SPINK13: variants seen among roughly 807,000 people sequenced by gnomAD.
SPINK13 encodes the protein serine peptidase inhibitor Kazal type 13, also known as serine protease inhibitor Kazal-type 13.
Under a neutral mutation model 11.0 loss-of-function variants are expected in SPINK13, and 11 were observed. The observed-to-expected ratio is 1.00, with a 90% CI of 0.63 to 1.65. The LOEUF is 1.65. Among genes scored for constraint, SPINK13 ranks in the 40% most tolerant of loss-of-function variants. The pLI is 0.00. For synonymous variants in SPINK13, 31 were observed against 35.6 expected (o/e 0.87, Z 0.46); for missense variants, 113 against 117.7 (o/e 0.96, Z 0.19).
intron 1 of SPINK13, chr5:148,269,109 G>C (rs748104865): frequency 2.0e-5 from 3 of 152,194 alleles, no homozygotes; most frequent in Non-Finnish European, 4.4e-5. Flanking sequence ...GATAGAGTAG[G>C]GCGTGAGCAA....
chr5:148,286,108 C>A lies in SPINK13; in HGVS notation c.*60C>A. ...TTCTACTTAATTCAGAATAGTATTT[C>A]TTTTAGAGTGTGAGAATGTAAATTA... On this transcript the variant is annotated 3_prime_UTR_variant, in exon 5 of 5. Coordinates refer to ENST00000398450, the MANE Select transcript of SPINK13 (RefSeq NM_001040129.3). 9.1e-7 allele frequency: 1 copy of A among 1,100,138 alleles called. No homozygotes were observed. The allele number at this position is 1,100,138 out of a possible 1,614,324, so 68.1% of individuals were successfully genotyped here.
intron 4 of SPINK13, among the ~76,000 whole-genome samples, chr5:148,283,316 G>A (rs1011385249): frequency 1.3e-5 from 2 of 152,170 alleles, no homozygotes; most frequent in Non-Finnish European, 2.9e-5. Flanking sequence ...AGGACCCTAG[G>A]TAAACAACAA....
intron 2 of SPINK13, among the ~76,000 whole-genome samples, chr5:148,271,224 T>C (rs1438690887): frequency 6.6e-6 from 1 of 152,240 alleles, no homozygotes; most frequent in Admixed American, 6.5e-5. Context: ...GCCTGCTATG[T>C]GTAGGTTCTC....
intron 3 of SPINK13, among the ~76,000 whole-genome samples, chr5:148,277,039 TTGTGAA>T (rs1354557431): frequency 1.3e-5 from 2 of 152,220 alleles, no homozygotes; most frequent in East Asian, 3.8e-4. Flanking sequence ...TTTTTAGCAA[TTGTGAA>T]TGGGAGTTCA....
At chr5:148,274,317 T>G in intron 2 of SPINK13, 30 bp from the exon 3 acceptor site, 1 of 1,581,948 alleles carries the variant, frequency 6.3e-7, no homozygotes, top group Admixed American at 1.7e-5. Context: ...CTATTTCCTT[T>G]AACTTACTGT....
In SPINK13 at chr5:148,270,100, T is replaced by G. The variant is rs565884765; in HGVS notation, c.28T>G (p.Phe10Val). MAAFPHKII[F>V]FLVCSTLTHV... ...GGCTGCCTTTCCCCACAAGATTATA[T>G]TTTTCCTGGTATGCTCTACTTTGAC... Residue 10 changes from phenylalanine (F) to valine (V), a missense_variant, in exon 2 of 5, where the codon TTT becomes GTT. By Grantham distance (50) the Phe-to-Val change is conservative. Coordinates refer to ENST00000398450, the MANE Select transcript of SPINK13 (RefSeq NM_001040129.3). The G allele has an allele frequency of 6.2e-7, 1 of 1,613,970 alleles. No homozygotes were observed. The highest frequency in any genetic ancestry group is 8.5e-7 in the Non-Finnish European group (1 of 1,179,980).
chr5:148,280,243 C>T (rs114860511), intron 3 of SPINK13, among the ~76,000 whole-genome samples: 118 of 152,144 alleles, frequency 7.8e-4, no homozygotes, highest in African/African-American at 2.7e-3. Flanking sequence ...TCCTTTGGCT[C>T]AGAGAAGCTT....
At position 148,281,823 on chromosome 5, in the gene SPINK13, C is replaced by T. The variant is rs1474008274; in HGVS notation, c.109-281C>T. Among the ~76,000 whole-genome samples the T allele has an allele frequency of 2.6e-5, 4 of 152,176 alleles. 1 individual carries two copies. Among genetic ancestry groups the T allele is most frequent in the Non-Finnish European group, 5.9e-5 (4 of 68,022 alleles). Reference sequence around the variant, plus strand: ...TCTGTCCTCTAGAAGTTCACAAACACATAAGTATCTCCACTCATAAACATC... The same window carrying T: ...TCTGTCCTCTAGAAGTTCACAAACATATAAGTATCTCCACTCATAAACATC... On this transcript the variant is annotated intron_variant, in intron 3 of 4. Transcript: ENST00000398450.
At chr5:148,270,262 C>T in intron 2 of SPINK13, 120 bp downstream of exon 2, 1 of 880,354 alleles carries the variant, frequency 1.1e-6, no homozygotes. Flanking sequence ...CCAGTGCAGT[C>T]CAAACTGGGT....
chr5:148,278,233 T>G (rs931376298), intron 3 of SPINK13, among the ~76,000 whole-genome samples: 1 of 152,212 alleles, frequency 6.6e-6, no homozygotes, highest in African/African-American at 2.4e-5. Context: ...CCTAGATTCA[T>G]TGATTTTTTG....
Position 148,276,519 on chromosome 5 carries a change from T to C in SPINK13, c.108+2135T>C, listed in dbSNP as rs181465670. On this transcript the variant is annotated intron_variant, in intron 3 of 4. Transcript: ENST00000398450. ...CCAGTTTCAGTTTTTGGCATGTGGCTAGCCAGTTTTCCCAACACCATTTAT... is the reference window on the plus strand; with the variant it reads ...CCAGTTTCAGTTTTTGGCATGTGGCCAGCCAGTTTTCCCAACACCATTTAT... Among the ~76,000 whole-genome samples the C allele has an allele frequency of 5.9e-5, 9 of 152,358 alleles. No homozygotes were observed. In the East Asian group the frequency reaches 1.5e-3, roughly 26 times the overall value.
chr5:148,285,870 G>A, intron 4 of SPINK13, 130 bp from the exon 5 acceptor site: 12 of 455,582 alleles, frequency 2.6e-5, no homozygotes, highest in South Asian at 9.1e-5. Flanking sequence ...AAAAAAAAAA[G>A]AAGGATGTAA....
chr5:148,279,091 CTTTTTTTTTTTTT>C (rs746029113), intron 3 of SPINK13, among the ~76,000 whole-genome samples: 1 of 51,656 alleles, frequency 1.9e-5, no homozygotes, highest in African/African-American at 8.0e-5. Flanking sequence ...GCAACCCCTG[CTTTTTTTTTTTTT>C]TTTTTTTTTT....
At chr5:148,276,260 T>C (rs943437729) in intron 3 of SPINK13, among the ~76,000 whole-genome samples, 7 of 152,234 alleles carry the variant, frequency 4.6e-5, no homozygotes, top group Non-Finnish European at 1.0e-4. Flanking sequence ...TTCACTCTGA[T>C]GATAGTTTAT....
intron 4 of SPINK13, among the ~76,000 whole-genome samples, chr5:148,284,532 A>G (rs1756563400): frequency 1.3e-5 from 2 of 152,204 alleles, no homozygotes; most frequent in Non-Finnish European, 2.9e-5. Context: ...ATTAATTCCA[A>G]TGGCAGGAAT....
At chr5:148,277,288 C>T (rs370861886) in intron 3 of SPINK13, among the ~76,000 whole-genome samples, 1 of 152,148 alleles carries the variant, frequency 6.6e-6, no homozygotes, top group African/African-American at 2.4e-5. Context: ...TGCCTGAATA[C>T]CCTGGTCAGA....
intron 4 of SPINK13, 111 bp downstream of exon 4, chr5:148,282,342 A>C: frequency 1.5e-6 from 2 of 1,336,546 alleles, no homozygotes; most frequent in Non-Finnish European, 2.0e-6. Context: ...TTTTAAAAAA[A>C]TAGCCTCATT....
At chr5:148,280,807 C>A (rs1029326077) in intron 3 of SPINK13, among the ~76,000 whole-genome samples, 2 of 152,236 alleles carry the variant, frequency 1.3e-5, no homozygotes, top group Non-Finnish European at 2.9e-5. Context: ...TGAGCTCAAG[C>A]ACTGTGCTGG....
intron 4 of SPINK13, among the ~76,000 whole-genome samples, chr5:148,282,850 C>T (rs191995269): frequency 1.4e-3 from 206 of 152,252 alleles, no homozygotes; most frequent in Admixed American, 5.4e-3. Context: ...AAATTGTTTT[C>T]ACAAATCAGC....
Sources: allele counts gnomAD v4.1 joint callset (sites outside exome capture counted in the v4.1 genomes callset), GRCh38; gene constraint gnomAD v4.1.1; transcripts MANE v1.5; gene names NCBI Gene and HGNC (gene_info 2026-07-23, HGNC 2026-07-21).